Variants in GRIK2 observed in about 807,000 individuals in gnomAD.
GRIK2 encodes the protein glutamate receptor ionotropic, kainate 2.
In GRIK2, 32 loss-of-function variants were observed where a neutral mutation model predicts 100.3. The observed-to-expected ratio is 0.32, with a 90% CI of 0.24 to 0.43. GRIK2 has a LOEUF of 0.43. GRIK2 is among the 20% of genes least tolerant of loss of function. The pLI is 1.00. For missense variants in GRIK2, 843 were observed against 1,114.9 expected (o/e 0.76, Z 3.47); for synonymous variants, 417 against 389.4 (o/e 1.07, Z -0.83).
At chr6:102,064,154 GAC>G (rs1771886980) in intron 16 of GRIK2, 1 of 625,400 alleles carries the variant, frequency 1.6e-6, no homozygotes, top group African/African-American at 1.9e-5. Context: ...CTTATTTAAT[GAC>G]ACAGTGCGTG....
At chr6:101,492,663 A>G (rs1200557609) in intron 2 of GRIK2, among the ~76,000 whole-genome samples, 1 of 151,926 alleles carries the variant, frequency 6.6e-6, no homozygotes, top group East Asian at 1.9e-4. Context: ...GGAATTAGAC[A>G]TTTCTCCAGG....
Position 101,820,285 on chromosome 6 carries a change from T to C in GRIK2, c.1317+1802T>C, listed in dbSNP as rs117798166. 9.2e-5 allele frequency among the ~76,000 whole-genome samples: 14 copies of C among 152,328 alleles called. No homozygotes were observed. In the East Asian group the frequency reaches 2.7e-3, roughly 29 times the overall value. ...ATGTCTTCTGTTTCTATACCATATG[T>C]ACCTCTGCAATGATCATAGGATCAA... On this transcript the variant is annotated intron_variant, in intron 10 of 16. Coordinates refer to ENST00000369134, the MANE Select transcript of GRIK2 (RefSeq NM_021956.5).
chr6:101,589,000 A>G (rs945850621), intron 2 of GRIK2, among the ~76,000 whole-genome samples: 1 of 152,068 alleles, frequency 6.6e-6, no homozygotes, highest in African/African-American at 2.4e-5. Flanking sequence ...AACAAAGCTT[A>G]AGAATTAATA....
intron 4 of GRIK2, among the ~76,000 whole-genome samples, chr6:101,635,951 C>T (rs1257391524): frequency 6.6e-6 from 1 of 152,100 alleles, no homozygotes; most frequent in African/African-American, 2.4e-5. Flanking sequence ...GGTGATTCCT[C>T]AAGGATCTAG....
At chr6:101,494,291 A>G (rs1020878331) in intron 2 of GRIK2, among the ~76,000 whole-genome samples, 1 of 151,254 alleles carries the variant, frequency 6.6e-6, no homozygotes, top group Non-Finnish European at 1.5e-5. Flanking sequence ...CGAACTGTTA[A>G]ATGCCCATTT....
At chr6:101,664,064 G>T (rs1053677105) in intron 4 of GRIK2, among the ~76,000 whole-genome samples, 11 of 152,316 alleles carry the variant, frequency 7.2e-5, no homozygotes, top group African/African-American at 2.6e-4. Context: ...GAGAAACAAA[G>T]AATTCCTTGT....
chr6:101,545,507 G>A (rs189219667), intron 2 of GRIK2, among the ~76,000 whole-genome samples: 84 of 152,192 alleles, frequency 5.5e-4, no homozygotes, highest in African/African-American at 2.0e-3. Flanking sequence ...TTTTTTGAAA[G>A]ATAAAAGTAA....
intron 10 of GRIK2, among the ~76,000 whole-genome samples, chr6:101,829,861 T>C (rs1562421639): frequency 6.6e-6 from 1 of 151,970 alleles, no homozygotes; most frequent in Non-Finnish European, 1.5e-5. Flanking sequence ...AAGCAATCTA[T>C]AGATTCCACA....
At chr6:101,442,821 G>A (rs1277313288) in intron 2 of GRIK2, among the ~76,000 whole-genome samples, 2 of 152,166 alleles carry the variant, frequency 1.3e-5, no homozygotes, top group East Asian at 3.9e-4. Context: ...AGGCAGATTT[G>A]TTCTGAGGGT....
At chr6:101,660,994 C>T (rs1339879159) in intron 4 of GRIK2, among the ~76,000 whole-genome samples, 1 of 152,154 alleles carries the variant, frequency 6.6e-6, no homozygotes, top group Non-Finnish European at 1.5e-5. Context: ...CTTAGCAGAG[C>T]TCGAATGCTA....
chr6:102,025,667 A>G (rs180773303), intron 14 of GRIK2, among the ~76,000 whole-genome samples: 13 of 151,342 alleles, frequency 8.6e-5, no homozygotes, highest in Admixed American at 2.6e-4. Flanking sequence ...ACTACTTTAT[A>G]CATACTCATA....
chr6:101,858,386 C>CTTTTTTT (rs780526806), intron 10 of GRIK2, among the ~76,000 whole-genome samples: 7 of 91,652 alleles, frequency 7.6e-5, no homozygotes, highest in Admixed American at 1.2e-4. Context: ...ATTTTTTTTT[C>CTTTTTTT]TTTTTTTTTT....
At chr6:101,621,123 C>T (rs1039464132) in intron 2 of GRIK2, among the ~76,000 whole-genome samples, 5 of 152,106 alleles carry the variant, frequency 3.3e-5, no homozygotes, top group Non-Finnish European at 5.9e-5. Flanking sequence ...TCTCTTTTCT[C>T]GCAAGTAAGA....
intron 10 of GRIK2, among the ~76,000 whole-genome samples, chr6:101,854,894 A>G (rs1382293213): frequency 1.3e-5 from 2 of 152,184 alleles, no homozygotes; most frequent in African/African-American, 4.8e-5. Flanking sequence ...ACAATTGAAA[A>G]TGACTTAAGT....
intron 2 of GRIK2, among the ~76,000 whole-genome samples, chr6:101,504,450 A>T (rs565192595): frequency 6.6e-6 from 1 of 152,082 alleles, no homozygotes; most frequent in Admixed American, 6.6e-5. Flanking sequence ...TTTTTTTCAG[A>T]TTGTATTTTT....
At chr6:102,017,622 C>G (rs1769185645) in intron 14 of GRIK2, among the ~76,000 whole-genome samples, 1 of 152,052 alleles carries the variant, frequency 6.6e-6, no homozygotes, top group Non-Finnish European at 1.5e-5. Flanking sequence ...TTTTCTGCCC[C>G]TTTCTGTCTT....
At chr6:101,813,653 T>G (rs921744270) in intron 9 of GRIK2, among the ~76,000 whole-genome samples, 4 of 152,094 alleles carry the variant, frequency 2.6e-5, no homozygotes, top group Admixed American at 6.6e-5. Flanking sequence ...AGGCAGTGTT[T>G]ACAACCCCAC....
At chr6:101,954,126 C>T (rs1267093042) in intron 14 of GRIK2, among the ~76,000 whole-genome samples, 1 of 152,098 alleles carries the variant, frequency 6.6e-6, no homozygotes, top group Admixed American at 6.5e-5. Context: ...CTATCCATAT[C>T]TACATACCAC....
intron 2 of GRIK2, among the ~76,000 whole-genome samples, chr6:101,506,541 A>C (rs894150162): frequency 6.6e-6 from 1 of 152,134 alleles, no homozygotes; most frequent in Non-Finnish European, 1.5e-5. Flanking sequence ...TAGCAGATGA[A>C]TATACGTGTT....
Sources: gnomAD v4.1 joint callset for allele counts (sites outside exome capture counted in the v4.1 genomes callset) on GRCh38, gnomAD v4.1.1 for gene constraint, MANE v1.5 for transcripts, NCBI Gene and HGNC (gene_info 2026-07-23, HGNC 2026-07-21) for gene names.